Variants in ANKRD28 observed in about 807,000 individuals in gnomAD.
The protein encoded by ANKRD28 is ankyrin repeat domain 28, also known as serine/threonine-protein phosphatase 6 regulatory ankyrin repeat subunit A.
Under a neutral mutation model 126.5 loss-of-function variants are expected in ANKRD28, and 44 were observed. The ratio of observed to expected loss-of-function variants is 0.35; its 90% confidence interval spans 0.27 to 0.45. The LOEUF (loss-of-function observed/expected upper bound fraction) is 0.45. Among genes scored for constraint, ANKRD28 ranks in the 20% least tolerant of loss-of-function variants. ANKRD28 has a pLI of 1.00. For synonymous variants in ANKRD28, 442 were observed against 468.5 expected (o/e 0.94, Z 0.73); for missense variants, 1,110 against 1,316.6 (o/e 0.84, Z 2.43).
intron 2 of ANKRD28, among the ~76,000 whole-genome samples, chr3:15,777,320 A>T (rs923678620): frequency 1.2e-4 from 19 of 152,034 alleles, no homozygotes; most frequent in Admixed American, 9.2e-4. Flanking sequence ...CTGAAAACTG[A>T]AAAAACTACT....
At chr3:15,689,807 T>G in intron 18 of ANKRD28, 1 of 523,048 alleles carries the variant, frequency 1.9e-6, no homozygotes, top group South Asian at 2.9e-5. Context: ...CCCTGAACAC[T>G]GGGATACTCC....
chr3:15,771,739 C>T (rs56865899), intron 2 of ANKRD28, among the ~76,000 whole-genome samples: 1 of 152,110 alleles, frequency 6.6e-6, no homozygotes, highest in Non-Finnish European at 1.5e-5. Context: ...AACATCCAAA[C>T]GATATCATTT....
chr3:15,695,779 T>C (rs937271324), intron 15 of ANKRD28, among the ~76,000 whole-genome samples: 1 of 152,054 alleles, frequency 6.6e-6, no homozygotes, highest in African/African-American at 2.4e-5. Context: ...TCCCTAAATA[T>C]ATGGGGGAGA....
intron 2 of ANKRD28, among the ~76,000 whole-genome samples, chr3:15,777,899 CACA>C (rs1559515243): frequency 2.8e-4 from 41 of 147,518 alleles, no homozygotes; most frequent in African/African-American, 8.9e-4. Flanking sequence ...CACACACACA[CACA>C]CCCTCTCCGC....
chr3:15,692,327 T>C (rs1324139776), intron 17 of ANKRD28, among the ~76,000 whole-genome samples: 2 of 152,036 alleles, frequency 1.3e-5, no homozygotes, highest in Non-Finnish European at 2.9e-5. Context: ...TGTGCACCTA[T>C]AGTCCTAGCT....
At chr3:15,785,231 C>T (rs1449272089) in intron 2 of ANKRD28, among the ~76,000 whole-genome samples, 1 of 152,006 alleles carries the variant, frequency 6.6e-6, no homozygotes, top group Non-Finnish European at 1.5e-5. Flanking sequence ...GCTGTGACTT[C>T]GTTAAAATTC....
chr3:15,837,099 C>CG (rs2061342881), intron 1 of ANKRD28, among the ~76,000 whole-genome samples: 1 of 108,572 alleles, frequency 9.2e-6, no homozygotes, highest in Non-Finnish European at 1.8e-5. Flanking sequence ...GACTCCGTCT[C>CG]AAAAAAAAAA....
intron 17 of ANKRD28, among the ~76,000 whole-genome samples, chr3:15,692,042 A>G (rs1229805602): frequency 6.6e-6 from 1 of 150,428 alleles, no homozygotes; most frequent in East Asian, 2.0e-4. Flanking sequence ...CAGGAGGCTG[A>G]GGCGGAAGTA....
intron 14 of ANKRD28, among the ~76,000 whole-genome samples, chr3:15,701,283 T>C (rs1337160159): frequency 6.6e-6 from 1 of 152,202 alleles, no homozygotes; most frequent in East Asian, 1.9e-4. Flanking sequence ...CAGCAAATAT[T>C]CATCCATTTA....
chr3:15,697,365 G>GT (rs2069771020), intron 14 of ANKRD28: 1 of 152,006 alleles, frequency 6.6e-6, no homozygotes, highest in Admixed American at 6.6e-5. Context: ...ACTACACATT[G>GT]GATACAGTGT....
At chr3:15,766,454 T>C in intron 2 of ANKRD28, 142 bp from the exon 3 acceptor site, 1 of 581,912 alleles carries the variant, frequency 1.7e-6, no homozygotes, top group South Asian at 2.9e-5. Flanking sequence ...TCTAGCCTAG[T>C]CTGCAAGTCC....
At position 15,797,202 on chromosome 3, in the gene ANKRD28, A is replaced by G. The variant is rs976049599; in HGVS notation, c.-681T>C. 6.9e-6 allele frequency: 6 copies of G among 867,134 alleles called. No homozygotes were observed. The highest frequency in any genetic ancestry group is 2.3e-5 in the African/African-American group (1 of 43,504). The allele number at this position is 867,134 out of a possible 1,614,324, so 53.7% of individuals were successfully genotyped here. A position where few individuals can be genotyped will look rare whatever the true frequency, so the allele number is the denominator to read the frequency against. On this transcript the variant is annotated 5_prime_UTR_variant, in exon 1 of 28. Coordinates refer to ENST00000683139, the MANE Select transcript of ANKRD28 (RefSeq NM_001349278.2). Reference sequence around the variant, plus strand: ...TCAGTGTTTGGGAAAGGGGCAAAAAACAAAAACAAAAAAAAAAAAACCACT... The same window carrying G: ...TCAGTGTTTGGGAAAGGGGCAAAAAGCAAAAACAAAAAAAAAAAAACCACT...
chr3:15,678,433 A>ATGCTGT, intron 23 of ANKRD28, 79 bp from the exon 24 acceptor site: 1 of 1,396,386 alleles, frequency 7.2e-7, no homozygotes, highest in Non-Finnish European at 9.7e-7. Context: ...AATTTGTGAC[A>ATGCTGT]TGCTGTTTTT....
chr3:15,840,287 C>G (rs1459067844), intron 1 of ANKRD28, among the ~76,000 whole-genome samples: 1 of 152,050 alleles, frequency 6.6e-6, no homozygotes, highest in East Asian at 1.9e-4. Context: ...GAAAGTAATT[C>G]CATTTATAAC....
intron 18 of ANKRD28, among the ~76,000 whole-genome samples, chr3:15,688,695 T>G (rs1183127209): frequency 6.6e-6 from 1 of 152,216 alleles, no homozygotes; most frequent in Non-Finnish European, 1.5e-5. Flanking sequence ...AAATGTATTC[T>G]TAAGGATCAC....
rs1393577988 is a variant in ANKRD28, at chr3:15,854,812, A to G, written c.27+4565T>C. On this transcript the variant is annotated intron_variant, in intron 1 of 27. Transcript: ENST00000399451. The surrounding 1 kb of genome is among the most constrained non-coding windows in gnomAD (Gnocchi z 4.1). ...ACGCCTGTAATCCCAGCACTTTGGG[A>G]GGCCAAGGTGGGTGGATCACAAGGT... is the stretch of plus-strand genomic sequence containing the variant. 6.6e-6 allele frequency among the ~76,000 whole-genome samples: 1 copy of G among 152,106 alleles called. No homozygotes were observed. The highest frequency in any genetic ancestry group is 1.5e-5 in the Non-Finnish European group (1 of 68,018).
Position 15,830,428 on chromosome 3 carries a change from A to G in ANKRD28, c.27+28949T>C, listed in dbSNP as rs2125932930. Among the ~76,000 whole-genome samples the G allele has an allele frequency of 6.6e-6, 1 of 152,206 alleles. No homozygotes were observed. The highest frequency in any genetic ancestry group is 1.9e-4 in the East Asian group (1 of 5,182). On this transcript the variant is annotated intron_variant, in intron 1 of 27. Transcript: ENST00000399451. The surrounding 1 kb of genome is among the most constrained non-coding windows in gnomAD (Gnocchi z 4.5). ...TACCACCTCAACTCTGACTCCTGTCAGAGTAGCGCAGCATTAGATTCTCAT... is the reference window on the plus strand; with the variant it reads ...TACCACCTCAACTCTGACTCCTGTCGGAGTAGCGCAGCATTAGATTCTCAT...
chr3:15,856,666 A>G (rs1174498843), intron 1 of ANKRD28, among the ~76,000 whole-genome samples: 1 of 152,234 alleles, frequency 6.6e-6, no homozygotes, highest in Non-Finnish European at 1.5e-5. Flanking sequence ...TCTTACCCCC[A>G]TAATTAGGTG....
Position 15,670,086 on chromosome 3 carries a change from A to G in ANKRD28, c.*184T>C. On this transcript the variant is annotated 3_prime_UTR_variant, in exon 28 of 28. Transcript: ENST00000683139. Reference sequence around the variant, plus strand: ...TCAGTCAGGTCTATTTCAAGATTCTAGAAGTTCCTTTTGTAAAACTTGCCT... The same window carrying G: ...TCAGTCAGGTCTATTTCAAGATTCTGGAAGTTCCTTTTGTAAAACTTGCCT... 1 of 609,340 alleles carries G rather than the reference A, an allele frequency of 1.6e-6. No individual in the cohort carries two copies. The highest frequency in any genetic ancestry group is 2.8e-6 in the Non-Finnish European group (1 of 355,120). The allele number at this position is 609,340 out of a possible 1,614,324, so 37.7% of individuals were successfully genotyped here. A position where few individuals can be genotyped will look rare whatever the true frequency, so the allele number is the denominator to read the frequency against.
Sources: gnomAD v4.1 joint callset for allele counts (sites outside exome capture counted in the v4.1 genomes callset) on GRCh38, gnomAD v4.1.1 for gene constraint, Gnocchi (gnomAD v3.1) non-coding constraint, MANE v1.5 for transcripts, NCBI Gene and HGNC (gene_info 2026-07-23, HGNC 2026-07-21) for gene names.